HECW1: variants seen among roughly 807,000 people sequenced by gnomAD.
The protein encoded by HECW1 is E3 ubiquitin-protein ligase HECW1.
In HECW1, 61 loss-of-function variants were observed where a neutral mutation model predicts 182.3. That is an observed-to-expected ratio of 0.33 (90% CI 0.27 to 0.41). The LOEUF (loss-of-function observed/expected upper bound fraction) is 0.41, where lower values mean the gene tolerates loss of function less well. HECW1 is among the 10% of genes least tolerant of loss of function. The pLI is 1.00. For synonymous variants in HECW1, 859 were observed against 832.6 expected (o/e 1.03, Z -0.55); for missense variants, 1,739 against 2,108.9 (o/e 0.82, Z 3.44).
chr7:43,409,820 T>TTG (rs2075738313), intron 8 of HECW1, among the ~76,000 whole-genome samples: 7 of 152,230 alleles, frequency 4.6e-5, no homozygotes, highest in Admixed American at 2.0e-4. Flanking sequence ...CCCTAAATTG[T>TTG]ACTACAGTTC....
chr7:43,317,907 T>G (rs865790370), intron 4 of HECW1, among the ~76,000 whole-genome samples: 11 of 151,986 alleles, frequency 7.2e-5, no homozygotes, highest in African/African-American at 2.4e-4. Context: ...CATCCTTTTC[T>G]CATTCATGTT....
chr7:43,195,448 C>T (rs1368476634), intron 2 of HECW1, among the ~76,000 whole-genome samples: 6 of 152,148 alleles, frequency 3.9e-5, no homozygotes, highest in Non-Finnish European at 7.3e-5. Context: ...AGCCACAGGG[C>T]GGCAGATCTG....
At chr7:43,163,458 G>A (rs1175241329) in intron 2 of HECW1, among the ~76,000 whole-genome samples, 1 of 152,146 alleles carries the variant, frequency 6.6e-6, no homozygotes, top group Non-Finnish European at 1.5e-5. Context: ...CTGGGGAGAT[G>A]GAGGCAGGCT....
At chr7:43,140,314 A>C (rs907896110) in intron 2 of HECW1, among the ~76,000 whole-genome samples, 1 of 152,190 alleles carries the variant, frequency 6.6e-6, no homozygotes, top group African/African-American at 2.4e-5. Flanking sequence ...GACTCACAGG[A>C]CTAGCAGGGA....
chr7:43,501,063 C>CTGCTGTA lies in HECW1; in HGVS notation c.3522-150_3522-149insTGCTGTA, dbSNP rs2079332476. The CTGCTGTA allele has an allele frequency of 4.9e-6, 3 of 609,968 alleles. No individual in the cohort carries two copies. In the East Asian group the frequency reaches 8.2e-5, roughly 17 times the overall value. 37.8% of individuals were successfully genotyped at this position (609,968 alleles called of 1,614,324 possible). On this transcript the variant is annotated intron_variant, in intron 20 of 29. Transcript: ENST00000395891. The stretch of plus-strand genomic sequence containing the variant: ...ACTGAGAATTTGCAAGCAGCATGTA[C>CTGCTGTA]CTATCTTTCTGTACTACATTTAAAT...
chr7:43,270,214 A>C (rs568860015), intron 3 of HECW1, among the ~76,000 whole-genome samples: 49 of 152,378 alleles, frequency 3.2e-4, no homozygotes, highest in African/African-American at 1.2e-3. Flanking sequence ...TCTGCCGGTC[A>C]GTCATTCAGC....
At chr7:43,399,753 T>G (rs781318590) in intron 7 of HECW1, among the ~76,000 whole-genome samples, 1 of 152,240 alleles carries the variant, frequency 6.6e-6, no homozygotes, top group Non-Finnish European at 1.5e-5. Context: ...CACATCATTT[T>G]TCTTACATTT....
intron 11 of HECW1, 53 bp from the exon 12 acceptor site, chr7:43,450,775 G>T: frequency 8.9e-7 from 1 of 1,123,060 alleles, no homozygotes. Context: ...CTTTTTTGAT[G>T]ATGTTGCCAC....
chr7:43,178,505 T>G (rs1313137309), intron 2 of HECW1, among the ~76,000 whole-genome samples: 1 of 152,196 alleles, frequency 6.6e-6, no homozygotes, highest in Non-Finnish European at 1.5e-5. Flanking sequence ...AAATATCAAG[T>G]GATCCTCCAG....
intron 5 of HECW1, among the ~76,000 whole-genome samples, chr7:43,341,171 G>A (rs1401333425): frequency 6.6e-6 from 1 of 151,580 alleles, no homozygotes; most frequent in Non-Finnish European, 1.5e-5. Flanking sequence ...GGGTTGGGGG[G>A]CAGGGGGAGG....
chr7:43,331,778 G>A (rs1234408004), intron 5 of HECW1, among the ~76,000 whole-genome samples: 1 of 152,184 alleles, frequency 6.6e-6, no homozygotes, highest in Non-Finnish European at 1.5e-5. Flanking sequence ...GAGCATCATG[G>A]CAGCTTGCCT....
At chr7:43,346,589 T>A (rs763464469) in intron 5 of HECW1, among the ~76,000 whole-genome samples, 2 of 152,208 alleles carry the variant, frequency 1.3e-5, no homozygotes, top group African/African-American at 4.8e-5. Context: ...TAGAAAGTTT[T>A]TTCAATGTTA....
At chr7:43,116,636 T>C (rs150120431) in intron 2 of HECW1, among the ~76,000 whole-genome samples, 30 of 152,326 alleles carry the variant, frequency 2.0e-4, no homozygotes, top group Admixed American at 4.6e-4. Flanking sequence ...CCCATTTACC[T>C]GCTTCCTTTT....
At chr7:43,154,812 C>T (rs1789706224) in intron 2 of HECW1, among the ~76,000 whole-genome samples, 1 of 152,118 alleles carries the variant, frequency 6.6e-6, no homozygotes, top group Admixed American at 6.5e-5. Flanking sequence ...ATGTTTCTTC[C>T]ATAGTGAAAT....
chr7:43,374,087 C>T (rs867394429), intron 6 of HECW1, among the ~76,000 whole-genome samples: 1 of 152,172 alleles, frequency 6.6e-6, no homozygotes, highest in African/African-American at 2.4e-5. Flanking sequence ...TTTGAGGAAA[C>T]TCCACTGGTT....
chr7:43,398,230 C>A (rs1370083644), intron 7 of HECW1, among the ~76,000 whole-genome samples: 2 of 151,890 alleles, frequency 1.3e-5, no homozygotes, highest in African/African-American at 2.4e-5. Flanking sequence ...GTACTCCAAC[C>A]TAAGCAACAG....
At chr7:43,533,570 C>A (rs983670005) in intron 24 of HECW1, among the ~76,000 whole-genome samples, 1 of 152,140 alleles carries the variant, frequency 6.6e-6, no homozygotes, top group Non-Finnish European at 1.5e-5. Context: ...CCAAAATTTG[C>A]CAGTACAGTG....
chr7:43,523,042 C>A (rs1033922344), intron 24 of HECW1: 1 of 446,746 alleles, frequency 2.2e-6, no homozygotes, highest in Non-Finnish European at 4.5e-6. Context: ...TCGCTCTTGT[C>A]CCCCAGGCTA....
chr7:43,307,443 G>A (rs533684376), intron 3 of HECW1, among the ~76,000 whole-genome samples: 1 of 152,282 alleles, frequency 6.6e-6, no homozygotes, highest in East Asian at 1.9e-4. Flanking sequence ...GCCACCCTTT[G>A]CAGAGAGGAA....
Sources: gnomAD v4.1 joint callset for allele counts (sites outside exome capture counted in the v4.1 genomes callset) on GRCh38, gnomAD v4.1.1 for gene constraint, MANE v1.5 for transcripts, NCBI Gene and HGNC (gene_info 2026-07-23, HGNC 2026-07-21) for gene names.